The following DLC1 variants were observed in gnomAD, a reference collection of about 807,000 sequenced individuals.
The protein encoded by DLC1 is DLC1 Rho GTPase activating protein.
DLC1 carries 54 observed loss-of-function variants against 140.3 expected under a neutral mutation model. The observed-to-expected ratio is 0.38, with a 90% CI of 0.31 to 0.48. The LOEUF is 0.48. Among genes scored for constraint, DLC1 ranks in the 20% least tolerant of loss-of-function variants. The pLI is 0.96. For missense variants in DLC1, 2,536 were observed against 1,907.0 expected (o/e 1.33, Z -6.14); for synonymous variants, 986 against 728.1 (o/e 1.35, Z -5.70).
chr8:13,506,164 T>C (rs1802053789), intron 1 of DLC1, among the ~76,000 whole-genome samples: 1 of 152,054 alleles, frequency 6.6e-6, no homozygotes, highest in South Asian at 2.1e-4. Context: ...TATGTGTGTA[T>C]ACACACACAT....
At chr8:13,487,313 T>A (rs1255577434) in intron 2 of DLC1, among the ~76,000 whole-genome samples, 1 of 152,230 alleles carries the variant, frequency 6.6e-6, no homozygotes, top group Non-Finnish European at 1.5e-5. Flanking sequence ...GCCATAGGTT[T>A]GGGCTATCTA....
chr8:13,572,075 GATT>G (rs199957476), intron 1 of DLC1, among the ~76,000 whole-genome samples: 14,269 of 136,976 alleles, frequency 0.1, 945 homozygotes, highest in Non-Finnish European at 0.15. Context: ...TGAGTTTCAG[GATT>G]ATTATTATTA....
chr8:13,313,983 G>A (rs1832775426), intron 4 of DLC1, among the ~76,000 whole-genome samples: 1 of 151,982 alleles, frequency 6.6e-6, no homozygotes, highest in South Asian at 2.1e-4. Flanking sequence ...TCCCATTTCT[G>A]TACGTCTTGG....
At chr8:13,233,482 G>C (rs1253368733) in intron 5 of DLC1, among the ~76,000 whole-genome samples, 1 of 151,716 alleles carries the variant, frequency 6.6e-6, no homozygotes, top group East Asian at 1.9e-4. Flanking sequence ...TTCCCCAACA[G>C]TTAAATTTTT....
At chr8:13,315,979 A>T (rs892013195) in intron 4 of DLC1, among the ~76,000 whole-genome samples, 1 of 152,212 alleles carries the variant, frequency 6.6e-6, no homozygotes, top group Non-Finnish European at 1.5e-5. Context: ...GCTTTAATAT[A>T]GGGTTAAATC....
intron 1 of DLC1, among the ~76,000 whole-genome samples, chr8:13,550,321 C>G (rs998040079): frequency 6.6e-6 from 1 of 152,070 alleles, no homozygotes; most frequent in Non-Finnish European, 1.5e-5. Flanking sequence ...CTTGCTTCCC[C>G]TTTGTCTTCT....
chr8:13,453,448 A>ATGTG (rs1563360125), intron 2 of DLC1, among the ~76,000 whole-genome samples: 7 of 27,102 alleles, frequency 2.6e-4, no homozygotes, highest in Admixed American at 8.7e-4. Flanking sequence ...GTATATATAT[A>ATGTG]CATATATATA....
intron 1 of DLC1, among the ~76,000 whole-genome samples, chr8:13,504,992 G>A (rs988377503): frequency 2.0e-5 from 3 of 152,026 alleles, no homozygotes; most frequent in African/African-American, 7.2e-5. Context: ...TAAAAAAAGG[G>A]AAATAATAAA....
At chr8:13,382,679 T>A (rs1359355787) in intron 4 of DLC1, among the ~76,000 whole-genome samples, 1 of 152,098 alleles carries the variant, frequency 6.6e-6, no homozygotes, top group Admixed American at 6.6e-5. Flanking sequence ...CAAATGTAGA[T>A]CATACTCAAG....
chr8:13,440,969 C>T (rs1225724255), intron 2 of DLC1, among the ~76,000 whole-genome samples: 2 of 152,066 alleles, frequency 1.3e-5, no homozygotes, highest in East Asian at 1.9e-4. Flanking sequence ...TTTTCATGAG[C>T]ACTGCTTTAT....
chr8:13,539,750 A>ATG (rs71207162), intron 1 of DLC1, among the ~76,000 whole-genome samples: 13,769 of 147,180 alleles, frequency 0.094, 1,345 homozygotes, highest in African/African-American at 0.24. Context: ...ATGTGTGTGT[A>ATG]TGTGTGTGTG....
In DLC1 at chr8:13,402,455, TA is replaced by T. The variant is rs532226130; in HGVS notation, c.1024-837del. 1.2e-4 allele frequency among the ~76,000 whole-genome samples: 18 copies of T among 151,300 alleles called. No homozygotes were observed. In the South Asian group the frequency reaches 2.7e-3, roughly 23 times the overall value. On this transcript the variant is annotated intron_variant, in intron 2 of 17. Coordinates refer to ENST00000276297, the MANE Select transcript of DLC1 (RefSeq NM_182643.3). Reference sequence around the variant, plus strand: ...TATTAGGATGGGGTACGGTATTGGCTAAAAAAAAATACTGTAGAAAGCACAG... The same window carrying T: ...TATTAGGATGGGGTACGGTATTGGCTAAAAAAAATACTGTAGAAAGCACAG...
intron 5 of DLC1, among the ~76,000 whole-genome samples, chr8:13,183,389 G>C (rs776297297): frequency 6.6e-6 from 1 of 152,172 alleles, no homozygotes; most frequent in Non-Finnish European, 1.5e-5. Context: ...TCCTTGCCTT[G>C]TGCCAGTTTT....
At chr8:13,243,726 G>A (rs1394343229) in intron 5 of DLC1, among the ~76,000 whole-genome samples, 1 of 152,116 alleles carries the variant, frequency 6.6e-6, no homozygotes, top group Non-Finnish European at 1.5e-5. Context: ...TTATCATCAA[G>A]AAAATTGAGG....
intron 5 of DLC1, among the ~76,000 whole-genome samples, chr8:13,262,241 G>T (rs1325848529): frequency 6.6e-6 from 1 of 151,712 alleles, no homozygotes; most frequent in East Asian, 1.9e-4. Context: ...GAACTTAGGA[G>T]ACTTAAAAAA....
At chr8:13,562,676 CA>C (rs1804284426) in intron 1 of DLC1, among the ~76,000 whole-genome samples, 1 of 152,128 alleles carries the variant, frequency 6.6e-6, no homozygotes, top group Non-Finnish European at 1.5e-5. Flanking sequence ...TAGAAAACTA[CA>C]TATGTCTTCA....
chr8:13,538,224 T>G (rs1158526295), intron 1 of DLC1, among the ~76,000 whole-genome samples: 1 of 152,104 alleles, frequency 6.6e-6, no homozygotes, highest in Admixed American at 6.5e-5. Context: ...ATGCTGTTTT[T>G]CTCCTCTAGG....
At chr8:13,377,925 A>G (rs564615978) in intron 4 of DLC1, among the ~76,000 whole-genome samples, 13 of 151,754 alleles carry the variant, frequency 8.6e-5, no homozygotes, top group Non-Finnish European at 1.6e-4. Flanking sequence ...CAGGAAAACA[A>G]AAAGCAAGGT....
At chr8:13,375,916 T>C (rs1835961082) in intron 4 of DLC1, among the ~76,000 whole-genome samples, 1 of 152,138 alleles carries the variant, frequency 6.6e-6, no homozygotes, top group African/African-American at 2.4e-5. Context: ...ATAGTCAACA[T>C]CGGCTACAAA....
Sources: gnomAD v4.1 joint callset for allele counts (sites outside exome capture counted in the v4.1 genomes callset) on GRCh38, gnomAD v4.1.1 for gene constraint, MANE v1.5 for transcripts, NCBI Gene and HGNC (gene_info 2026-07-23, HGNC 2026-07-21) for gene names.